Variants in COL6A6 observed in about 807,000 individuals in gnomAD.
The protein encoded by COL6A6 is collagen alpha-6(VI) chain.
In COL6A6, 183 loss-of-function variants were observed where a neutral mutation model predicts 208.6. The ratio of observed to expected loss-of-function variants is 0.88; its 90% confidence interval spans 0.78 to 0.99. COL6A6 has a LOEUF of 0.99. COL6A6 is among the 50% of genes least tolerant of loss of function. The pLI is 0.00. For synonymous variants in COL6A6, 973 were observed against 1,011.8 expected (o/e 0.96, Z 0.73); for missense variants, 2,816 against 2,815.2 (o/e 1.00, Z -0.01).
At chr3:130,580,397 A>C (rs1028214812) in intron 8 of COL6A6, among the ~76,000 whole-genome samples, 1 of 152,258 alleles carries the variant, frequency 6.6e-6, no homozygotes, top group African/African-American at 2.4e-5. Flanking sequence ...TTGATTATCA[A>C]ATAAAATTTT....
chr3:130,557,300 CTG>C (rs2062788478), intron 1 of COL6A6, among the ~76,000 whole-genome samples: 1 of 152,214 alleles, frequency 6.6e-6, no homozygotes, highest in South Asian at 2.1e-4. Flanking sequence ...AAAGTAAAAA[CTG>C]TGCAACTTGC....
intron 1 of COL6A6, among the ~76,000 whole-genome samples, chr3:130,553,370 A>G (rs1348308768): frequency 6.6e-6 from 1 of 151,100 alleles, no homozygotes; most frequent in East Asian, 1.9e-4. Context: ...TTTTTTCTTT[A>G]TTTTTGTCTG....
chr3:130,529,040 A>C lies in COL6A6; in HGVS notation c.-32+11643A>C, dbSNP rs74981755. On this transcript the variant is annotated intron_variant, in intron 1 of 36. Coordinates refer to ENST00000358511, the MANE Select transcript of COL6A6 (RefSeq NM_001102608.3). ...GGGAGCTGGAGCTTGCAGTGAGCTG[A>C]GATCATGCCGCCACTGCACTCCAGC... is the stretch of plus-strand genomic sequence containing the variant. Among the ~76,000 whole-genome samples the C allele has an allele frequency of 5.5e-3, 843 of 152,214 alleles. 13 individuals are homozygous for C. The highest frequency in any genetic ancestry group is 0.019 in the African/African-American group (788 of 41,516).
At chr3:130,664,197 T>G (rs754772127) in intron 35 of COL6A6, among the ~76,000 whole-genome samples, 1 of 152,192 alleles carries the variant, frequency 6.6e-6, no homozygotes, top group Non-Finnish European at 1.5e-5. Flanking sequence ...ACAAAACTGC[T>G]GACAAACCAT....
At chr3:130,636,684 G>A (rs1191929297) in intron 28 of COL6A6, among the ~76,000 whole-genome samples, 1 of 150,554 alleles carries the variant, frequency 6.6e-6, no homozygotes, top group Non-Finnish European at 1.5e-5. Context: ...TATTACTTGT[G>A]TAGGTTTTAG....
chr3:130,556,585 C>T (rs1297969298), intron 1 of COL6A6, among the ~76,000 whole-genome samples: 1 of 151,934 alleles, frequency 6.6e-6, no homozygotes, highest in African/African-American at 2.4e-5. Context: ...TATTATTGAT[C>T]AGTCTGTTCT....
Position 130,614,418 on chromosome 3 carries a change from T to C in COL6A6, c.4815+3707T>C, listed in dbSNP as rs2064450820. On this transcript the variant is annotated intron_variant, in intron 23 of 36. Coordinates refer to ENST00000358511, the MANE Select transcript of COL6A6 (RefSeq NM_001102608.3). ...CTACTGGATTCGCTTTGCTAGTATTTTGTTGATGATTTTTACATTTATGTT... is the reference window on the plus strand; with the variant it reads ...CTACTGGATTCGCTTTGCTAGTATTCTGTTGATGATTTTTACATTTATGTT... Among the ~76,000 whole-genome samples the C allele has an allele frequency of 1.3e-5, 2 of 152,226 alleles. 1 individual carries two copies. Among genetic ancestry groups the C allele is most frequent in the South Asian group, 4.1e-4 (2 of 4,832 alleles).
At chr3:130,517,982 G>C (rs1710841348) in intron 1 of COL6A6, among the ~76,000 whole-genome samples, 1 of 152,176 alleles carries the variant, frequency 6.6e-6, no homozygotes, top group African/African-American at 2.4e-5. Flanking sequence ...TACTCTGAGC[G>C]GAACCCCAAT....
intron 1 of COL6A6, among the ~76,000 whole-genome samples, chr3:130,560,099 G>T (rs1221208208): frequency 6.6e-6 from 1 of 152,096 alleles, no homozygotes; most frequent in Non-Finnish European, 1.5e-5. Flanking sequence ...TCTACCAACT[G>T]TCCAAAATTT....
intron 1 of COL6A6, among the ~76,000 whole-genome samples, chr3:130,529,045 A>G (rs566949889): frequency 4.9e-4 from 75 of 152,256 alleles, no homozygotes; most frequent in African/African-American, 1.7e-3. Flanking sequence ...AGCTGAGATC[A>G]TGCCGCCACT....
At chr3:130,546,520 G>A (rs2062502097) in intron 1 of COL6A6, among the ~76,000 whole-genome samples, 1 of 152,222 alleles carries the variant, frequency 6.6e-6, no homozygotes, top group South Asian at 2.1e-4. Context: ...TACCTTTGCT[G>A]GCTCAGGCAG....
In COL6A6 at chr3:130,517,417, C is replaced by A. The variant is rs1710800638; in HGVS notation, c.-32+20C>A. 6.6e-6 allele frequency among the ~76,000 whole-genome samples: 1 copy of A among 152,252 alleles called. No individual in the cohort carries two copies. Among genetic ancestry groups the A allele is most frequent in the Admixed American group, 6.5e-5 (1 of 15,290 alleles). ...CCCAAGGTAAGTCCAGGAGCCAACGCTGGGACAGCAAGAGCCAAAACTAGG... is the reference window on the plus strand; with the variant it reads ...CCCAAGGTAAGTCCAGGAGCCAACGATGGGACAGCAAGAGCCAAAACTAGG... On this transcript the variant is annotated intron_variant, in intron 1 of 36. Transcript: ENST00000358511.
intron 20 of COL6A6, 131 bp downstream of exon 20, chr3:130,599,941 A>C: frequency 1.3e-6 from 1 of 799,800 alleles, no homozygotes; most frequent in Non-Finnish European, 2.1e-6. Flanking sequence ...AACTTATGAC[A>C]TCTCGCAGAC....
At chr3:130,543,972 C>T (rs1034673625) in intron 1 of COL6A6, among the ~76,000 whole-genome samples, 3 of 151,994 alleles carry the variant, frequency 2.0e-5, no homozygotes, top group Non-Finnish European at 4.4e-5. Flanking sequence ...TATAGTAAAA[C>T]GATCAGCCAA....
In COL6A6 at chr3:130,571,173, C is replaced by T. The variant is rs775235353; in HGVS notation, c.2757C>T (p.Thr919=). The change falls in exon 7 of 37, where the codon ACC becomes ACT. Residue 919 remains threonine (T), a synonymous_variant. Coordinates refer to ENST00000358511, the MANE Select transcript of COL6A6 (RefSeq NM_001102608.3). ...TCCCCCAAGTCCTCATTGTGATCAC[C>T]GATGGGGAATCCCATGATGCTGATA... ...KGVPQVLIVI[T]DGESHDADKL... The T allele has an allele frequency of 7.4e-6, 12 of 1,613,326 alleles. No homozygotes were observed. Among genetic ancestry groups the T allele is most frequent in the South Asian group, 3.3e-5 (3 of 90,944 alleles).
intron 1 of COL6A6, among the ~76,000 whole-genome samples, chr3:130,524,598 C>CT (rs1311874945): frequency 6.6e-6 from 1 of 150,816 alleles, no homozygotes; most frequent in Non-Finnish European, 1.5e-5. Flanking sequence ...CTGCAAAATT[C>CT]TTTAAGTAGT....
chr3:130,661,236 ATAG>A (rs1320977038), intron 34 of COL6A6, among the ~76,000 whole-genome samples: 1 of 152,248 alleles, frequency 6.6e-6, no homozygotes, highest in Admixed American at 6.5e-5. Flanking sequence ...GCACTTCTTC[ATAG>A]TAGAATATAA....
At chr3:130,637,249 T>G (rs2065186103) in intron 28 of COL6A6, among the ~76,000 whole-genome samples, 2 of 148,990 alleles carry the variant, frequency 1.3e-5, no homozygotes, top group Non-Finnish European at 3.0e-5. Flanking sequence ...TGGAAAAGAC[T>G]TTCAAATTAA....
At position 130,581,741 on chromosome 3, in the gene COL6A6, T is replaced by G. The variant is rs1256505566; in HGVS notation, c.3728T>G (p.Val1243Gly). The G allele has an allele frequency of 6.2e-7, 1 of 1,613,974 alleles. No individual in the cohort carries two copies. The highest frequency in any genetic ancestry group is 8.5e-7 in the Non-Finnish European group (1 of 1,179,854). ...TETQVSVAFQ[V>G]TNAMEKYSPK... ...ACTCAGGTCAGTGTGGCTTTTCAAGTGACCAATGCCATGGAAAAATATTCT... is the reference window on the plus strand; with the variant it reads ...ACTCAGGTCAGTGTGGCTTTTCAAGGGACCAATGCCATGGAAAAATATTCT... Residue 1243 changes from valine to glycine, a missense_variant, in exon 9 of 37, where the codon GTG becomes GGG. Coordinates refer to ENST00000358511, the MANE Select transcript of COL6A6 (RefSeq NM_001102608.3).
Sources: allele counts gnomAD v4.1 joint callset (sites outside exome capture counted in the v4.1 genomes callset), GRCh38; gene constraint gnomAD v4.1.1; transcripts MANE v1.5; gene names NCBI Gene and HGNC (gene_info 2026-07-23, HGNC 2026-07-21).